The following TRIO variants were observed in gnomAD, a reference collection of about 807,000 sequenced individuals.
The protein encoded by TRIO is trio Rho guanine nucleotide exchange factor.
Under a neutral mutation model 351.9 loss-of-function variants are expected in TRIO, and 58 were observed. The ratio of observed to expected loss-of-function variants is 0.16; its 90% CI spans 0.13 to 0.21. The LOEUF (loss-of-function observed/expected upper bound fraction) is 0.21. Among genes scored for constraint, TRIO ranks in the 10% least tolerant of loss-of-function variants. The probability of loss-of-function intolerance (pLI) is 1.00; values close to 1 mark genes in which losing one functional copy is unlikely to be tolerated. For missense variants in TRIO, 3,201 were observed against 4,027.8 expected, an observed-to-expected ratio of 0.79 and a Z score of 5.56; for synonymous variants, 1,758 against 1,595.7, an observed-to-expected ratio of 1.10 and a Z score of -2.42.
At position 14,291,018 on chromosome 5, in the gene TRIO, G is replaced by C. The variant is rs746787700; in HGVS notation, c.843G>C (p.Lys281Asn). Residue 281 changes from lysine (K) to asparagine (N), a missense_variant, in exon 5 of 57, where the codon AAG (lysine) becomes AAC (asparagine). By Grantham distance (94) the Lys-to-Asn change is moderately conservative. Coordinates refer to ENST00000344204, the MANE Select transcript of TRIO (RefSeq NM_007118.4). The stretch of plus-strand genomic sequence containing the variant: ...AGGACCTGGATTTGGAGGGACAGAA[G>C]CTGCTTCAGAGGATACAGAGCAGTG... ...PIEDLDLEGQ[K>N]LLQRIQSSES... 6.2e-7 allele frequency: 1 copy of C among 1,614,232 alleles called. No individual in the cohort carries two copies. The highest frequency in any genetic ancestry group is 8.5e-7 in the Non-Finnish European group (1 of 1,180,040).
At chr5:14,471,554 G>C in intron 38 of TRIO, 88 bp downstream of exon 38, 1 of 1,558,224 alleles carries the variant, frequency 6.4e-7, no homozygotes, top group African/African-American at 1.4e-5. Context: ...ATTCAGCTCT[G>C]AATTACCGAG....
At position 14,444,403 on chromosome 5, in the gene TRIO, A is replaced by G. The variant is rs539013651; in HGVS notation, c.5204-16616A>G. 2.6e-5 allele frequency among the ~76,000 whole-genome samples: 4 copies of G among 152,228 alleles called. No homozygotes were observed. In the South Asian group the frequency reaches 8.3e-4, roughly 31 times the overall value. Reference sequence around the variant, plus strand: ...CAAGTTGCTGTGCAAACTAAATTCTATCTCAAATCGTTTTTTGCCCTTTAA... The same window carrying G: ...CAAGTTGCTGTGCAAACTAAATTCTGTCTCAAATCGTTTTTTGCCCTTTAA... On this transcript the variant is annotated intron_variant, in intron 34 of 56. Coordinates refer to ENST00000344204, the MANE Select transcript of TRIO (RefSeq NM_007118.4).
chr5:14,305,375 C>G (rs549487960), intron 8 of TRIO, among the ~76,000 whole-genome samples: 3 of 152,288 alleles, frequency 2.0e-5, no homozygotes, highest in Admixed American at 6.5e-5. Flanking sequence ...ACCAGCCTAC[C>G]TTTGTGATAA....
intron 34 of TRIO, chr5:14,440,709 T>C (rs1751958752): frequency 6.6e-6 from 1 of 152,220 alleles, no homozygotes; most frequent in South Asian, 2.1e-4. Flanking sequence ...TTCTTTTTTT[T>C]TATCAAGTCA....
intron 8 of TRIO, among the ~76,000 whole-genome samples, chr5:14,310,644 C>A (rs1376264651): frequency 6.6e-6 from 1 of 152,210 alleles, no homozygotes; most frequent in East Asian, 1.9e-4. Flanking sequence ...CAAAAAACCA[C>A]CTCTCCGTGA....
chr5:14,263,688 C>T (rs572878869), intron 1 of TRIO, among the ~76,000 whole-genome samples: 5 of 152,180 alleles, frequency 3.3e-5, no homozygotes, highest in Middle Eastern at 3.4e-3. Context: ...TGAGACACTC[C>T]GGTAAAGCAA....
intron 1 of TRIO, among the ~76,000 whole-genome samples, chr5:14,188,660 A>G (rs556233691): frequency 4.6e-4 from 70 of 152,304 alleles, no homozygotes; most frequent in African/African-American, 1.6e-3. Flanking sequence ...ACAAATAAAG[A>G]TTGTAAAAGA....
At chr5:14,450,348 A>G (rs888788427) in intron 34 of TRIO, among the ~76,000 whole-genome samples, 4 of 152,190 alleles carry the variant, frequency 2.6e-5, no homozygotes, top group Non-Finnish European at 5.9e-5. Flanking sequence ...CAGTGATTAC[A>G]TTGTGTTCTG....
At chr5:14,219,474 C>T (rs930520642) in intron 1 of TRIO, among the ~76,000 whole-genome samples, 7 of 152,224 alleles carry the variant, frequency 4.6e-5, no homozygotes, top group South Asian at 2.1e-4. Context: ...GGAATGCTGC[C>T]CGCGTGTTTG....
At position 14,254,907 on chromosome 5, in the gene TRIO, T is replaced by C. The variant is rs552996839; in HGVS notation, c.158-15918T>C. Among the ~76,000 whole-genome samples, 4 of 152,300 alleles carry C rather than the reference T, an allele frequency of 2.6e-5. No individual in the cohort carries two copies. In the South Asian group the frequency reaches 8.3e-4, roughly 32 times the overall value. On this transcript the variant is annotated intron_variant, in intron 1 of 56. Coordinates refer to ENST00000344204, the MANE Select transcript of TRIO (RefSeq NM_007118.4). ...GCACTTACTTGTAGGGAATCTTAAA[T>C]GGGAGGAACTATTAGAGGAATTCAG...
intron 46 of TRIO, among the ~76,000 whole-genome samples, chr5:14,484,844 G>A (rs1239960958): frequency 1.3e-5 from 2 of 152,034 alleles, no homozygotes; most frequent in African/African-American, 4.8e-5. Context: ...TCCTGTAAGT[G>A]GAATCATAAC....
intron 1 of TRIO, among the ~76,000 whole-genome samples, chr5:14,241,427 G>A (rs536048225): frequency 1.3e-5 from 2 of 152,316 alleles, no homozygotes; most frequent in Admixed American, 6.5e-5. Context: ...AGTAAAGCAA[G>A]CTAGTGAATT....
intron 8 of TRIO, among the ~76,000 whole-genome samples, chr5:14,307,647 A>G (rs1418663257): frequency 6.6e-6 from 1 of 152,310 alleles, no homozygotes; most frequent in Non-Finnish European, 1.5e-5. Context: ...GGTTTCTCCA[A>G]TGCACAGGCA....
Position 14,172,026 on chromosome 5 carries a change from C to T in TRIO, c.157+28144C>T, listed in dbSNP as rs141657812. On this transcript the variant is annotated intron_variant, in intron 1 of 56. Coordinates refer to ENST00000344204, the MANE Select transcript of TRIO (RefSeq NM_007118.4). ...ACACCTGCAGATAAGTTGAGTAGTGCATTGAGCATCTGAATACCCTTCCCT... is the reference window on the plus strand; with the variant it reads ...ACACCTGCAGATAAGTTGAGTAGTGTATTGAGCATCTGAATACCCTTCCCT... 2.6e-5 allele frequency among the ~76,000 whole-genome samples: 4 copies of T among 152,314 alleles called. 1 individual carries two copies. The highest frequency in any genetic ancestry group is 9.6e-5 in the African/African-American group (4 of 41,560).
intron 1 of TRIO, among the ~76,000 whole-genome samples, chr5:14,180,926 T>G (rs1488366614): frequency 6.6e-6 from 1 of 152,186 alleles, no homozygotes; most frequent in Non-Finnish European, 1.5e-5. Context: ...GCTTATTTTC[T>G]GTATATACTA....
Position 14,254,587 on chromosome 5 carries a change from A to G in TRIO, c.158-16238A>G, listed in dbSNP as rs189952518. ...CTGTGGATGGCCAGGCCATCTTTCT[A>G]CCGTTGGTCTTGGCTCTGTTCTCCC... On this transcript the variant is annotated intron_variant, in intron 1 of 56. Transcript: ENST00000344204. Among the ~76,000 whole-genome samples the G allele has an allele frequency of 5.5e-3, 830 of 152,104 alleles. 12 individuals are homozygous for G. The highest frequency in any genetic ancestry group is 0.019 in the African/African-American group (787 of 41,502).
intron 17 of TRIO, among the ~76,000 whole-genome samples, chr5:14,369,173 T>G (rs1280617703): frequency 1.3e-5 from 2 of 152,132 alleles, no homozygotes; most frequent in African/African-American, 2.4e-5. Flanking sequence ...TTTGCTTTGG[T>G]TTTGTTCTCG....
intron 1 of TRIO, among the ~76,000 whole-genome samples, chr5:14,216,901 A>G (rs1792261374): frequency 6.6e-6 from 1 of 152,188 alleles, no homozygotes. Context: ...ATCGTTAGGA[A>G]GGGGAGCTGA....
In TRIO at chr5:14,333,419, A is replaced by G. The variant is rs765792277; in HGVS notation, c.1854+2519A>G. On this transcript the variant is annotated intron_variant, in intron 10 of 56. Coordinates refer to ENST00000344204, the MANE Select transcript of TRIO (RefSeq NM_007118.4). ...ATCCCTGGGAATTTGTGTGCCTTTT[A>G]GGTGATAATTTAAGTTACCTGGGGC... Among the ~76,000 whole-genome samples the G allele has an allele frequency of 2.6e-5, 4 of 152,148 alleles. No homozygotes were observed. In the South Asian group the frequency reaches 8.3e-4, roughly 32 times the overall value.
Sources: gnomAD v4.1 joint callset for allele counts (sites outside exome capture counted in the v4.1 genomes callset) on GRCh38, gnomAD v4.1.1 for gene constraint, MANE v1.5 for transcripts, NCBI Gene and HGNC (gene_info 2026-07-23, HGNC 2026-07-21) for gene names.